Variants in ADAM12 observed in about 807,000 individuals in gnomAD.
ADAM12 encodes ADAM metallopeptidase domain 12.
In ADAM12, 70 loss-of-function variants were observed where a neutral mutation model predicts 106.4. The observed-to-expected ratio is 0.66, with a 90% confidence interval of 0.54 to 0.80. The LOEUF is 0.80. Ranked by LOEUF, ADAM12 falls within the 30% of genes least tolerant of loss-of-function variation. The pLI, the probability that ADAM12 is intolerant of heterozygous loss-of-function variation, is 0.00. For synonymous variants in ADAM12, 420 were observed against 433.5 expected, an observed-to-expected ratio of 0.97 and a Z score of 0.39; for missense variants, 1,010 against 1,171.9, an observed-to-expected ratio of 0.86 and a Z score of 2.02.
At chr10:126,298,694 T>C (rs368112152) in intron 2 of ADAM12, among the ~76,000 whole-genome samples, 51 of 152,158 alleles carry the variant, frequency 3.4e-4, no homozygotes, top group African/African-American at 1.2e-3. Context: ...TCCAAAGTAT[T>C]ATAAATGAAA....
intron 2 of ADAM12, among the ~76,000 whole-genome samples, chr10:126,292,268 G>A (rs1282873113): frequency 6.6e-6 from 1 of 151,962 alleles, no homozygotes; most frequent in Non-Finnish European, 1.5e-5. Flanking sequence ...TTTTCCTATT[G>A]TCATCATCAT....
intron 6 of ADAM12, among the ~76,000 whole-genome samples, chr10:126,113,712 ATATATATATATATATAT>A (rs1565067733): frequency 6.6e-5 from 6 of 90,320 alleles, no homozygotes; most frequent in East Asian, 3.7e-4. Context: ...ATATATATAT[ATATATATATATATATAT>A]ATAATATATT....
At chr10:126,318,409 C>A (rs1288783965) in intron 2 of ADAM12, among the ~76,000 whole-genome samples, 1 of 152,006 alleles carries the variant, frequency 6.6e-6, no homozygotes, top group Non-Finnish European at 1.5e-5. Context: ...TACACAAACA[C>A]ACACACATTC....
intron 6 of ADAM12, among the ~76,000 whole-genome samples, chr10:126,116,747 A>T (rs950579267): frequency 1.1e-4 from 16 of 152,112 alleles, no homozygotes; most frequent in African/African-American, 3.9e-4. Context: ...GACTGAAAGA[A>T]TGAATGTAAA....
chr10:126,203,686 T>C (rs1030015870), intron 3 of ADAM12, among the ~76,000 whole-genome samples: 2 of 152,186 alleles, frequency 1.3e-5, no homozygotes, highest in Non-Finnish European at 2.9e-5. Context: ...TGATCAAATA[T>C]CTTTTGAGGT....
At chr10:126,195,668 GTATAT>G (rs1262246421) in intron 3 of ADAM12, among the ~76,000 whole-genome samples, 1 of 151,990 alleles carries the variant, frequency 6.6e-6, no homozygotes, top group Non-Finnish European at 1.5e-5. Flanking sequence ...AAAACAACAT[GTATAT>G]GATATATATG....
At chr10:126,194,301 A>G (rs1041844770) in intron 3 of ADAM12, among the ~76,000 whole-genome samples, 1 of 147,702 alleles carries the variant, frequency 6.8e-6, no homozygotes, top group Non-Finnish European at 1.5e-5. Context: ...AAAAAAAAAA[A>G]GCTTTCTGGA....
intron 18 of ADAM12, among the ~76,000 whole-genome samples, chr10:126,042,461 C>A (rs1238446632): frequency 6.6e-6 from 1 of 152,116 alleles, no homozygotes; most frequent in African/African-American, 2.4e-5. Flanking sequence ...CTTCCCTGAG[C>A]CTCAGGTCCT....
chr10:126,108,455 C>T, intron 8 of ADAM12, 138 bp downstream of exon 8: 1 of 729,902 alleles, frequency 1.4e-6, no homozygotes, highest in Non-Finnish European at 2.3e-6. Flanking sequence ...GAATTACACA[C>T]TCAGAGGACA....
At chr10:126,368,877 A>G (rs1301554199) in intron 1 of ADAM12, among the ~76,000 whole-genome samples, 1 of 152,200 alleles carries the variant, frequency 6.6e-6, no homozygotes, top group Non-Finnish European at 1.5e-5. Context: ...AAGCAAATGC[A>G]TAGAGTTCTT....
chr10:126,203,931 C>T (rs554905732), intron 3 of ADAM12, among the ~76,000 whole-genome samples: 14 of 88,472 alleles, frequency 1.6e-4, no homozygotes, highest in Admixed American at 8.8e-4. Flanking sequence ...AGTGAGTGCG[C>T]GCGCGCGCGT....
chr10:126,064,718 G>C lies in ADAM12; in HGVS notation c.1609+88C>G. 1.4e-6 allele frequency: 2 copies of C among 1,397,730 alleles called. No individual in the cohort carries two copies. The highest frequency in any genetic ancestry group is 1.9e-6 in the Non-Finnish European group (2 of 1,036,918). 86.6% of individuals were successfully genotyped at this position (1,397,730 alleles called of 1,614,324 possible). ...TGGACAGCGCCCGCCAGGAGTGGGG[G>C]CTAACCAAAACAGAGCACATGCCCC... On this transcript the variant is annotated intron_variant, in intron 14 of 22. Transcript: ENST00000448723. This position sits in a 1 kb window ranked among gnomAD's most constrained non-coding sequence, Gnocchi z 4.4.
At chr10:126,230,509 T>C (rs1733419558) in intron 3 of ADAM12, among the ~76,000 whole-genome samples, 2 of 152,222 alleles carry the variant, frequency 1.3e-5, no homozygotes, top group African/African-American at 4.8e-5. Flanking sequence ...CCATTTCCAC[T>C]CTTCCAAACT....
At chr10:126,346,545 G>A (rs1855147286) in intron 1 of ADAM12, among the ~76,000 whole-genome samples, 1 of 152,164 alleles carries the variant, frequency 6.6e-6, no homozygotes, top group Admixed American at 6.5e-5. Context: ...GGTCCACTTG[G>A]TGCAGAGCTG....
chr10:126,310,017 G>A (rs1961013457), intron 2 of ADAM12, among the ~76,000 whole-genome samples: 1 of 152,088 alleles, frequency 6.6e-6, no homozygotes, highest in Non-Finnish European at 1.5e-5. Context: ...AAATTACCCA[G>A]GCATAGTGGC....
In ADAM12 at chr10:126,046,100, A is replaced by G; in HGVS notation, c.1950T>C (p.Ser650=). The G allele has an allele frequency of 6.2e-7, 1 of 1,614,184 alleles. No individual in the cohort carries two copies. The change falls in exon 17 of 23, where the codon AGT becomes AGC. Residue 650 remains serine (S), a synonymous_variant. Coordinates refer to ENST00000448723, the MANE Select transcript of ADAM12 (RefSeq NM_001288973.2). The part of the protein sequence containing the change: ...ICLNRQCQNI[S]VFGVHECAMQ... Reference sequence around the variant, plus strand: ...TTGCACACTCGTGAACCCCAAAGACACTAATATTTTGACATTGACGATTCA... The same window carrying G: ...TTGCACACTCGTGAACCCCAAAGACGCTAATATTTTGACATTGACGATTCA...
At chr10:126,124,731 G>A (rs1278309) in intron 5 of ADAM12, among the ~76,000 whole-genome samples, 99,892 of 151,264 alleles carry the variant, frequency 0.66, 33,664 homozygotes, top group African/African-American at 0.8. Context: ...CATTCCTACT[G>A]AAAATACAAA....
chr10:126,354,454 T>C (rs1284113160), intron 1 of ADAM12, among the ~76,000 whole-genome samples: 2 of 152,224 alleles, frequency 1.3e-5, no homozygotes, highest in Non-Finnish European at 2.9e-5. Context: ...CAGTAGAACG[T>C]CTGCGGGAGA....
intron 2 of ADAM12, among the ~76,000 whole-genome samples, chr10:126,282,519 A>G (rs1959632810): frequency 1.3e-5 from 2 of 152,126 alleles, no homozygotes; most frequent in South Asian, 4.2e-4. Flanking sequence ...TAAGCAATAC[A>G]CTGTTTAGTT....
Sources: gnomAD v4.1 joint callset for allele counts (sites outside exome capture counted in the v4.1 genomes callset) on GRCh38, gnomAD v4.1.1 for gene constraint, Gnocchi (gnomAD v3.1) non-coding constraint, MANE v1.5 for transcripts, NCBI Gene and HGNC (gene_info 2026-07-23, HGNC 2026-07-21) for gene names.